The following NRAP variants were observed in gnomAD, a reference collection of about 807,000 sequenced individuals.
NRAP encodes the protein nebulin related anchoring protein.
In NRAP, 189 loss-of-function variants were observed where a neutral mutation model predicts 225.9. That is an observed-to-expected ratio of 0.84 (90% CI 0.74 to 0.94). The LOEUF is 0.94. Ranked by LOEUF, NRAP falls within the 40% of genes least tolerant of loss-of-function variation. The pLI, the probability that NRAP is intolerant of heterozygous loss-of-function variation, is 0.00. For synonymous variants in NRAP, 769 were observed against 790.7 expected (o/e 0.97, Z 0.46); for missense variants, 2,176 against 2,168.7 (o/e 1.00, Z -0.07).
intron 2 of NRAP, 27 bp downstream of exon 2, chr10:113,663,325 G>A (rs1212491433): frequency 2.3e-6 from 3 of 1,297,074 alleles, no homozygotes; most frequent in Non-Finnish European, 3.4e-6. Flanking sequence ...AACTCAAGAG[G>A]TAGTGGTGGG....
At chr10:113,615,026 C>A in intron 27 of NRAP, 80 bp from the exon 28 acceptor site, 1 of 900,392 alleles carries the variant, frequency 1.1e-6, no homozygotes, top group Non-Finnish European at 1.9e-6. Context: ...AATTGGCAAT[C>A]TGGTTTGTGG....
chr10:113,649,825 A>G (rs1849827426), intron 9 of NRAP, among the ~76,000 whole-genome samples: 1 of 152,230 alleles, frequency 6.6e-6, no homozygotes, highest in South Asian at 2.1e-4. Flanking sequence ...ATTTAAAAAA[A>G]GAAAGTGCCT....
At position 113,657,498 on chromosome 10, in the gene NRAP, G is replaced by T. The variant is rs891822903; in HGVS notation, c.332C>A (p.Ala111Glu). The T allele has an allele frequency of 6.2e-7, 1 of 1,603,278 alleles. No homozygotes were observed. Among genetic ancestry groups the T allele is most frequent in the South Asian group, 1.1e-5 (1 of 90,792 alleles). The change falls in exon 4 of 42, where the codon GCA becomes GAA. Residue 111 changes from alanine (A) to glutamate (E), a missense_variant. Physicochemically the swap from Ala to Glu is moderately radical, Grantham distance 107 (BLOSUM62 -1). Transcript: ENST00000359988. ...WDMKSKDKEG[A>E]PNRQPLANER... Reference sequence around the variant, plus strand: ...ATTTGCCAGTGGCTGCCTGTTAGGTGCACCTTCCTTATCCTTGGATTTCAT... The same window carrying T: ...ATTTGCCAGTGGCTGCCTGTTAGGTTCACCTTCCTTATCCTTGGATTTCAT...
chr10:113,641,029 C>G (rs918389928), intron 13 of NRAP, among the ~76,000 whole-genome samples: 1 of 152,114 alleles, frequency 6.6e-6, no homozygotes, highest in Non-Finnish European at 1.5e-5. Context: ...GCTTTGGAAC[C>G]CTGGGGAATT....
At chr10:113,635,919 C>A (rs1848842544) in intron 14 of NRAP, among the ~76,000 whole-genome samples, 1 of 152,222 alleles carries the variant, frequency 6.6e-6, no homozygotes, top group South Asian at 2.1e-4. Context: ...CAGACATTCC[C>A]TGCCCACATA....
intron 30 of NRAP, among the ~76,000 whole-genome samples, chr10:113,611,148 A>G (rs1445431686): frequency 6.6e-6 from 1 of 152,076 alleles, no homozygotes; most frequent in Non-Finnish European, 1.5e-5. Context: ...CCTGCCTTCC[A>G]ATCGCTATCA....
At chr10:113,629,149 T>A in intron 19 of NRAP, 128 bp from the exon 20 acceptor site, 1 of 725,234 alleles carries the variant, frequency 1.4e-6, no homozygotes, top group Non-Finnish European at 2.4e-6. Context: ...TGCTCCTTTA[T>A]GGTCAGGCAG....
At chr10:113,627,927 T>C (rs1848373629) in intron 20 of NRAP, among the ~76,000 whole-genome samples, 1 of 152,252 alleles carries the variant, frequency 6.6e-6, no homozygotes, top group South Asian at 2.1e-4. Flanking sequence ...TTATCAGCCC[T>C]TAAATGGCAG....
intron 3 of NRAP, among the ~76,000 whole-genome samples, chr10:113,661,017 T>C (rs3121490): frequency 0.33 from 50,554 of 151,990 alleles, 8,716 homozygotes; most frequent in Admixed American, 0.42. Flanking sequence ...GAGTGTTCAG[T>C]ACTCTGTTTA....
chr10:113,589,486 T>C, intron 41 of NRAP, 180 bp downstream of exon 41: 1 of 686,446 alleles, frequency 1.5e-6, no homozygotes, highest in East Asian at 2.7e-5. Flanking sequence ...AAGTTTAACC[T>C]GCGTGTCATC....
At chr10:113,662,893 A>G in intron 2 of NRAP, 127 bp from the exon 3 acceptor site, 1 of 493,940 alleles carries the variant, frequency 2.0e-6, no homozygotes, top group Non-Finnish European at 3.4e-6. Context: ...AAAACTTAAA[A>G]ATTAAGTTCG....
Position 113,652,922 on chromosome 10 carries a change from C to A in NRAP, c.570+13G>T. ...TAGCATAATCAATGGTGAAAAAGCA[C>A]CCAGGCACTCACTTGGCTGGCCAGC... On this transcript the variant is annotated intron_variant, in intron 6 of 41. Coordinates refer to ENST00000359988, the MANE Select transcript of NRAP (RefSeq NM_198060.4). The A allele has an allele frequency of 6.3e-7, 1 of 1,584,638 alleles. No homozygotes were observed. The highest frequency in any genetic ancestry group is 1.1e-5 in the South Asian group (1 of 89,384).
intron 18 of NRAP, among the ~76,000 whole-genome samples, chr10:113,630,332 T>C (rs55729345): frequency 0.29 from 44,441 of 151,988 alleles, 6,677 homozygotes; most frequent in Middle Eastern, 0.4. Flanking sequence ...ATGATGATGA[T>C]AGTGATAGTG....
intron 35 of NRAP, among the ~76,000 whole-genome samples, chr10:113,599,811 C>A (rs199606407): frequency 6.6e-6 from 1 of 152,032 alleles, no homozygotes; most frequent in Admixed American, 6.5e-5. Context: ...AGAGACCTTT[C>A]AAAGCTGCAC....
At chr10:113,631,817 C>G in intron 17 of NRAP, 40 bp downstream of exon 17, 2 of 1,272,106 alleles carry the variant, frequency 1.6e-6, no homozygotes, top group South Asian at 1.2e-5. Flanking sequence ...TTATTGGAAC[C>G]ATTTCTTATG....
Position 113,657,470 on chromosome 10 carries a change from C to T in NRAP, c.360G>A (p.Glu120=), listed in dbSNP as rs1850378644. 2 of 1,512,730 alleles carry T rather than the reference C, an allele frequency of 1.3e-6. No individual in the cohort carries two copies. Among genetic ancestry groups the T allele is most frequent in the Non-Finnish European group, 1.8e-6 (2 of 1,088,182 alleles). 93.7% of individuals were successfully genotyped at this position (1,512,730 alleles called of 1,614,324 possible). The part of the protein sequence containing the change: ...GAPNRQPLAN[E]RAYWTGYGEG... Reference sequence around the variant, plus strand: ...AACCCACTTGTCACTTTTCTCTCACCTCATTTGCCAGTGGCTGCCTGTTAG... The same window carrying T: ...AACCCACTTGTCACTTTTCTCTCACTTCATTTGCCAGTGGCTGCCTGTTAG... The change falls in exon 4 of 42, where the codon GAG becomes GAA. Residue 120 remains glutamate, a splice_region_variant and synonymous_variant. Transcript: ENST00000359988.
intron 3 of NRAP, among the ~76,000 whole-genome samples, chr10:113,658,881 CAAAAAA>C (rs57340533): frequency 1.3e-5 from 1 of 78,162 alleles, no homozygotes; most frequent in Non-Finnish European, 2.8e-5. Flanking sequence ...GACCCTGTCT[CAAAAAA>C]AAAAAAAAAA....
chr10:113,620,716 AG>A lies in NRAP; in HGVS notation c.2770-9del. 3 of 1,585,014 alleles carry A rather than the reference AG, an allele frequency of 1.9e-6. No homozygotes were observed. The highest frequency in any genetic ancestry group is 3.4e-5 in the Admixed American group (2 of 59,018). ...ATCTGCCCTGTATTGGTTCTGACAA[AG>A]GAGAAAGAAAAAAAAAAAAAGCAGG... is the stretch of plus-strand genomic sequence containing the variant. On this transcript the variant is annotated splice_polypyrimidine_tract_variant and intron_variant, in intron 24 of 41. Transcript: ENST00000359988.
chr10:113,597,189 A>C lies in NRAP; in HGVS notation c.4333-5T>G. 1 of 1,579,022 alleles carries C rather than the reference A, an allele frequency of 6.3e-7. No individual in the cohort carries two copies. The highest frequency in any genetic ancestry group is 1.1e-5 in the South Asian group (1 of 90,374). On this transcript the variant is annotated splice_polypyrimidine_tract_variant and splice_region_variant and intron_variant, in intron 36 of 41. Transcript: ENST00000359988. The stretch of plus-strand genomic sequence containing the variant: ...TGGTTTTTTACGGTACTTGGTCTAT[A>C]AGATAAAGACAAAGATTCTCATGAA...
Sources: allele counts gnomAD v4.1 joint callset (sites outside exome capture counted in the v4.1 genomes callset), GRCh38; gene constraint gnomAD v4.1.1; transcripts MANE v1.5; gene names NCBI Gene and HGNC (gene_info 2026-07-23, HGNC 2026-07-21).